MBOAT7: variants seen among roughly 807,000 people sequenced by gnomAD.
The protein encoded by MBOAT7 is membrane bound acylglycerophosphatidylinositol O-acyltransferase MBOAT7, also known as membrane-bound acylglycerophosphatidylinositol O-acyltransferase MBOAT7.
A neutral mutation model predicts 47.4 loss-of-function variants in MBOAT7; 40 were observed. The ratio of observed to expected loss-of-function variants is 0.84; its 90% CI spans 0.66 to 1.10. MBOAT7 has a LOEUF of 1.10. Ranked by LOEUF, MBOAT7 falls within the 50% of genes least tolerant of loss-of-function variation. The pLI is 0.00. For synonymous variants in MBOAT7, 361 were observed against 292.0 expected (o/e 1.24, Z -2.41); for missense variants, 680 against 655.6 (o/e 1.04, Z -0.41).
Position 54,178,891 on chromosome 19 carries a change from A to T in MBOAT7, c.905T>A (p.Ile302Asn). The T allele has an allele frequency of 6.2e-7, 1 of 1,613,458 alleles. No homozygotes were observed. Among genetic ancestry groups the T allele is most frequent in the Non-Finnish European group, 8.5e-7 (1 of 1,179,990 alleles). ...LEYDYETIRN[I>N]DCYSTDFCVR... Reference sequence around the variant, plus strand: ...GCAGAAATCTGTGCTGTAGCAGTCGATGTTGCGGATGGTCTCATAGTCATA... The same window carrying T: ...GCAGAAATCTGTGCTGTAGCAGTCGTTGTTGCGGATGGTCTCATAGTCATA... The change falls in exon 7 of 8, where the codon ATC (isoleucine) becomes AAC (asparagine). Residue 302 changes from isoleucine (I) to asparagine (N), a missense_variant. Coordinates refer to ENST00000245615, the MANE Select transcript of MBOAT7 (RefSeq NM_024298.5).
intron 7 of MBOAT7, 165 bp downstream of exon 7, chr19:54,178,600 A>G (rs2076174364): frequency 7.0e-7 from 1 of 1,431,598 alleles, no homozygotes; most frequent in African/African-American, 1.4e-5. Context: ...TTACACCGGC[A>G]TGCTGCCACT....
intron 5 of MBOAT7, 124 bp downstream of exon 5, chr19:54,183,397 C>T: frequency 8.6e-7 from 1 of 1,158,906 alleles, no homozygotes; most frequent in East Asian, 2.6e-5. Context: ...ACATGCCCAC[C>T]CTCACAGCAG....
chr19:54,174,639 C>A lies in MBOAT7; in HGVS notation c.1032-208G>T, dbSNP rs117517726. The stretch of plus-strand genomic sequence containing the variant: ...AGGCCCCAGTCCCTCCTCCCTCAGA[C>A]CCAGGAGACCAGACCCCACCTCCCT... On this transcript the variant is annotated intron_variant, in intron 7 of 7. Coordinates refer to ENST00000245615, the MANE Select transcript of MBOAT7 (RefSeq NM_024298.5). Among the ~76,000 whole-genome samples, 5 of 147,916 alleles carry A rather than the reference C, an allele frequency of 3.4e-5. No individual in the cohort carries two copies. The South Asian group carries it at 1.1e-3, about 32-fold the overall frequency.
At position 54,189,571 on chromosome 19, in the gene MBOAT7, G is replaced by C. The variant is rs1254219470; in HGVS notation, c.-237C>G. The C allele has an allele frequency of 1.3e-5, 2 of 152,668 alleles. No individual in the cohort carries two copies. 9.5% of individuals were successfully genotyped at this position (152,668 alleles called of 1,614,324 possible). The stretch of plus-strand genomic sequence containing the variant: ...GAGTCGGCAACGGGATTCGAGTCCA[G>C]GTCCACACTGGGATCCGAGCTCCGA... On this transcript the variant is annotated 5_prime_UTR_variant, in exon 1 of 8. Transcript: ENST00000245615.
At chr19:54,176,595 C>G (rs553895790) in intron 7 of MBOAT7, among the ~76,000 whole-genome samples, 1 of 152,116 alleles carries the variant, frequency 6.6e-6, no homozygotes, top group Non-Finnish European at 1.5e-5. Flanking sequence ...CCCTGGCCCC[C>G]ACCCACGACA....
At chr19:54,181,536 A>C (rs929557822) in intron 5 of MBOAT7, among the ~76,000 whole-genome samples, 3 of 138,206 alleles carry the variant, frequency 2.2e-5, no homozygotes, top group Non-Finnish European at 4.6e-5. Context: ...CTGAATTCCC[A>C]GCTACTGGGG....
rs1294078914 is a variant in MBOAT7 at position 54,187,269 on chromosome 19, A to G, written c.225T>C (p.Ala75=). 1 of 1,610,618 alleles carries G rather than the reference A, an allele frequency of 6.2e-7. No homozygotes were observed. Among genetic ancestry groups the G allele is most frequent in the Non-Finnish European group, 8.5e-7 (1 of 1,178,630 alleles). ...GGAGATAGGAGAAAGTCCAGGCCAG[A>G]GCCAGGGCGTGGCAGGAGCTGGGCA... ...QAQPCSCHAL[A]LAWTFSYLLF... The change falls in exon 4 of 8, where the codon GCT becomes GCC. Residue 75 remains alanine (A), a synonymous_variant. Coordinates refer to ENST00000245615, the MANE Select transcript of MBOAT7 (RefSeq NM_024298.5).
At chr19:54,188,174 C>T in intron 3 of MBOAT7, 43 bp downstream of exon 3, 2 of 1,545,224 alleles carry the variant, frequency 1.3e-6, no homozygotes, top group Non-Finnish European at 1.7e-6. Flanking sequence ...GTTGCTTCCC[C>T]CTCTCCCCTC....
At chr19:54,182,419 C>T (rs958779918) in intron 5 of MBOAT7, among the ~76,000 whole-genome samples, 61 of 151,814 alleles carry the variant, frequency 4.0e-4, no homozygotes, top group African/African-American at 1.3e-3. Flanking sequence ...GGGTATGAAA[C>T]TGTTCTGAAT....
chr19:54,186,278 G>T (rs777451918), intron 4 of MBOAT7, among the ~76,000 whole-genome samples: 7 of 152,204 alleles, frequency 4.6e-5, no homozygotes, highest in Non-Finnish European at 1.0e-4. Flanking sequence ...GCCTCCCAAA[G>T]TGCTGGCATT....
At chr19:54,178,210 G>C in intron 7 of MBOAT7, 1 of 986,790 alleles carries the variant, frequency 1.0e-6, no homozygotes, top group Non-Finnish European at 1.2e-6. Flanking sequence ...GCACCCGGCT[G>C]AGTTTCTGCT....
chr19:54,176,452 G>C (rs184593732), intron 7 of MBOAT7, among the ~76,000 whole-genome samples: 56 of 152,140 alleles, frequency 3.7e-4, no homozygotes, highest in Admixed American at 5.9e-4. Context: ...CAGCTACTAG[G>C]GGGGCTGAGA....
intron 5 of MBOAT7, among the ~76,000 whole-genome samples, chr19:54,182,058 AAGGGAAGGACGG>A (rs1388955501): frequency 3.5e-5 from 4 of 114,186 alleles, no homozygotes; most frequent in South Asian, 3.3e-4. Flanking sequence ...AAGAAGGGAA[AAGGGAAGGACGG>A]AGGGAAGGAG....
chr19:54,182,862 G>C (rs760806232), intron 5 of MBOAT7, among the ~76,000 whole-genome samples: 14 of 151,908 alleles, frequency 9.2e-5, no homozygotes, highest in Non-Finnish European at 1.6e-4. Context: ...CACCATGCCC[G>C]GCTAATTTTT....
chr19:54,187,200 C>G lies in MBOAT7; in HGVS notation c.294G>C (p.Thr98=). 1 of 1,594,734 alleles carries G rather than the reference C, an allele frequency of 6.3e-7. No individual in the cohort carries two copies. The highest frequency in any genetic ancestry group is 8.5e-7 in the Non-Finnish European group (1 of 1,172,094). The change falls in exon 4 of 8, where the codon ACG becomes ACC. Residue 98 remains threonine (T), a synonymous_variant. Coordinates refer to ENST00000245615, the MANE Select transcript of MBOAT7 (RefSeq NM_024298.5). ...GCAGCTGGACGGCATTGGTGAAGGG[C>G]GTGGGAGTGGGCAGGCCCAGGAGGC... ...ALSLLGLPTP[T]PFTNAVQLLL...
chr19:54,174,533 C>A (rs943279618), intron 7 of MBOAT7, 102 bp from the exon 8 acceptor site: 1 of 1,249,062 alleles, frequency 8.0e-7, no homozygotes, highest in Non-Finnish European at 1.1e-6. Context: ...TCCCTCAGAC[C>A]GAGAAGTGCA....
chr19:54,174,794 C>T (rs1359632668), intron 7 of MBOAT7, among the ~76,000 whole-genome samples: 1 of 152,146 alleles, frequency 6.6e-6, no homozygotes, highest in Non-Finnish European at 1.5e-5. Context: ...GACCCATGAC[C>T]CTAGCTCCGG....
At chr19:54,184,340 C>T (rs910111719) in intron 4 of MBOAT7, among the ~76,000 whole-genome samples, 5 of 152,036 alleles carry the variant, frequency 3.3e-5, no homozygotes, top group Non-Finnish European at 5.9e-5. Context: ...CTTGAAATCC[C>T]TTAAGTTTGA....
rs2076509341 is a variant in MBOAT7 at position 54,188,235 on chromosome 19, A to AT, written c.187_188insA (p.Leu63HisfsTer56). The AT allele has an allele frequency of 6.2e-7, 1 of 1,612,558 alleles. No individual in the cohort carries two copies. The highest frequency in any genetic ancestry group is 8.5e-7 in the Non-Finnish European group (1 of 1,179,378). ...TTCTCACCAGGGCTGGGCCTGAATGAGGGCCCAGGTCCCGAGGATGGTGAC... is the reference window on the plus strand; with the variant it reads ...TTCTCACCAGGGCTGGGCCTGAATGATGGGCCCAGGTCCCGAGGATGGTGAC... On this transcript the variant is annotated frameshift_variant, in exon 3 of 8. Transcript: ENST00000245615. LOFTEE classifies it high-confidence loss of function.
Sources: allele counts gnomAD v4.1 joint callset (sites outside exome capture counted in the v4.1 genomes callset), GRCh38; gene constraint gnomAD v4.1.1; transcripts MANE v1.5; gene names NCBI Gene and HGNC (gene_info 2026-07-23, HGNC 2026-07-21).